Variants in CAPN2 observed in about 807,000 individuals in gnomAD.
CAPN2 encodes the protein calpain-2 catalytic subunit.
CAPN2 carries 92 observed loss-of-function variants against 102.3 expected under a neutral mutation model. The observed-to-expected ratio is 0.90, with a 90% CI of 0.76 to 1.07. The LOEUF is 1.07. CAPN2 is among the 50% of genes least tolerant of loss of function. CAPN2 has a pLI of 0.00. For synonymous variants in CAPN2, 340 were observed against 355.4 expected, an observed-to-expected ratio of 0.96 and a Z score of 0.49; for missense variants, 800 against 909.4, an observed-to-expected ratio of 0.88 and a Z score of 1.55.
chr1:223,770,744 T>A (rs1422984952), intron 18 of CAPN2: 22 of 395,218 alleles, frequency 5.6e-5, no homozygotes, highest in Non-Finnish European at 9.6e-5. Flanking sequence ...TGAATCCAAG[T>A]TTCCTTTGGA....
intron 4 of CAPN2, among the ~76,000 whole-genome samples, chr1:223,746,475 CTT>C (rs60366533): frequency 3.5e-4 from 38 of 108,404 alleles, no homozygotes; most frequent in African/African-American, 3.5e-4. Context: ...CTACGAGAAT[CTT>C]TTTTTTTTTT....
At position 223,766,376 on chromosome 1, in the gene CAPN2, T is replaced by C. The variant is rs866467640; in HGVS notation, c.1700T>C (p.Ile567Thr). Residue 567 changes from isoleucine (I) to threonine (T), a missense_variant, in exon 16 of 21, where the codon ATC becomes ACC. Ile to Thr is a moderately conservative substitution (Grantham distance 89). Transcript: ENST00000295006. Reference protein sequence around the residue: ...LRRVLAKRQDIKSDGFSIETC... With the variant: ...LRRVLAKRQDTKSDGFSIETC... ...TGATTTTGTCTTTTAGGCCAAGATA[T>C]CAAGTCAGATGGCTTCAGCATCGAG... 3 of 1,613,638 alleles carry C rather than the reference T, an allele frequency of 1.9e-6. No homozygotes were observed. The highest frequency in any genetic ancestry group is 1.7e-4 in the Middle Eastern group (1 of 6,060).
chr1:223,708,897 AG>A, upstream of CAPN2, among the ~76,000 whole-genome samples: 1 of 152,054 alleles, frequency 6.6e-6, no homozygotes, highest in African/African-American at 2.4e-5. Context: ...AGAAAAGAGA[AG>A]AGAAAAGAAA....
intron 2 of CAPN2, among the ~76,000 whole-genome samples, chr1:223,740,225 C>T (rs1053869230): frequency 2.0e-5 from 3 of 152,178 alleles, no homozygotes; most frequent in African/African-American, 7.2e-5. Context: ...GACGCTGAAA[C>T]ACCATTGAGT....
At chr1:223,708,921 A>C (rs1659672534), upstream of CAPN2, among the ~76,000 whole-genome samples, 1 of 152,162 alleles carries the variant, frequency 6.6e-6, no homozygotes, top group African/African-American at 2.4e-5. Flanking sequence ...AAAAGAGAGA[A>C]AGACAATTCC....
At chr1:223,704,097 C>T (rs1169479025) in intron 1 of CAPN2, among the ~76,000 whole-genome samples, 1 of 152,096 alleles carries the variant, frequency 6.6e-6, no homozygotes, top group Non-Finnish European at 1.5e-5. Context: ...TGGAGACCAG[C>T]CCGGCCAACA....
chr1:223,712,468 G>C (rs1326953825), upstream of CAPN2: 2 of 1,150,324 alleles, frequency 1.7e-6, no homozygotes, highest in African/African-American at 3.3e-5. Context: ...GGCCGGGAGC[G>C]GCTGAGGCCA....
intron 1 of CAPN2, 122 bp downstream of exon 1, chr1:223,712,999 A>G (rs1020660114): frequency 8.2e-6 from 5 of 608,430 alleles, no homozygotes; most frequent in Non-Finnish European, 7.2e-6. Context: ...GCCGCAAGCC[A>G]GGACCTCGCA....
At position 223,707,268 on chromosome 1, in the gene CAPN2, CTCTT is replaced by C. The variant is rs1422466339; in HGVS notation, c.3+5441_3+5444del. Reference sequence around the variant, plus strand: ...TCTCTCTCTCTTCTTCTCTCTCTCTCTCTTTCTATCTCTCTCTCTCACTCCCTCT... The same window carrying C: ...TCTCTCTCTCTTCTTCTCTCTCTCTCTCTATCTCTCTCTCTCACTCCCTCT... On this transcript the variant is annotated intron_variant, in intron 1 of 20. Coordinates refer to the CAPN2 transcript ENST00000433674. Among the ~76,000 whole-genome samples the C allele has an allele frequency of 4.6e-5, 7 of 152,062 alleles. No individual in the cohort carries two copies. In the South Asian group the frequency reaches 6.2e-4, roughly 14 times the overall value.
At chr1:223,733,778 C>T (rs7547642) in intron 2 of CAPN2, among the ~76,000 whole-genome samples, 27,817 of 152,206 alleles carry the variant, frequency 0.18, 2,954 homozygotes, top group African/African-American at 0.3. Context: ...TTCCCAGAGA[C>T]CCATAGGCAA....
intron 1 of CAPN2, among the ~76,000 whole-genome samples, chr1:223,716,767 C>G (rs372604099): frequency 1.3e-5 from 2 of 152,010 alleles, no homozygotes; most frequent in African/African-American, 4.8e-5. Flanking sequence ...TGGGGCTCTT[C>G]AGAATCGAAA....
At chr1:223,765,569 C>T (rs1391691371) in intron 15 of CAPN2, among the ~76,000 whole-genome samples, 1 of 152,248 alleles carries the variant, frequency 6.6e-6, no homozygotes, top group Non-Finnish European at 1.5e-5. Context: ...CAGCCCGCTC[C>T]TTGCTGGGGG....
At position 223,727,817 on chromosome 1, in the gene CAPN2, C is replaced by T. The variant is rs574977259; in HGVS notation, c.307+9986C>T. Among the ~76,000 whole-genome samples the T allele has an allele frequency of 7.2e-5, 11 of 152,234 alleles. No homozygotes were observed. The highest frequency in any genetic ancestry group is 2.2e-4 in the African/African-American group (9 of 41,526). ...GAACACAGCAAAGGAGGAGAAGGGCCCTCCCTGCTTCTTGGAGAATGGTTC... is the reference window on the plus strand; with the variant it reads ...GAACACAGCAAAGGAGGAGAAGGGCTCTCCCTGCTTCTTGGAGAATGGTTC... On this transcript the variant is annotated intron_variant, in intron 2 of 20. Coordinates refer to ENST00000295006, the MANE Select transcript of CAPN2 (RefSeq NM_001748.5). This position sits in a 1 kb window ranked among gnomAD's most constrained non-coding sequence, Gnocchi z 4.1.
chr1:223,770,433 C>A lies in CAPN2; in HGVS notation c.1825-14C>A, dbSNP rs767854594. 6.2e-7 allele frequency: 1 copy of A among 1,604,722 alleles called. No homozygotes were observed. The highest frequency in any genetic ancestry group is 1.1e-5 in the South Asian group (1 of 90,826). ...TTTGGGTCATAGTTCTTACAGCTAA[C>A]TTATGTGTTCCAGAAAATTTACCGA... On this transcript the variant is annotated splice_polypyrimidine_tract_variant and intron_variant, in intron 17 of 20. Coordinates refer to ENST00000295006, the MANE Select transcript of CAPN2 (RefSeq NM_001748.5).
chr1:223,719,684 A>G (rs1459097790), intron 2 of CAPN2, among the ~76,000 whole-genome samples: 1 of 152,190 alleles, frequency 6.6e-6, no homozygotes, highest in Non-Finnish European at 1.5e-5. Flanking sequence ...ATTGGAGAGG[A>G]GATAGCAAAG....
At chr1:223,707,038 C>A (rs1440665497) in intron 1 of CAPN2, among the ~76,000 whole-genome samples, 1 of 150,736 alleles carries the variant, frequency 6.6e-6, no homozygotes, top group Admixed American at 6.6e-5. Flanking sequence ...CGAGATCACG[C>A]CACTGCACTC....
intron 1 of CAPN2, 109 bp from the exon 2 acceptor site, chr1:223,717,653 G>A (rs922212535): frequency 3.7e-6 from 3 of 812,726 alleles, no homozygotes; most frequent in Non-Finnish European, 6.4e-6. Context: ...TCCCCAGAGG[G>A]GAGGGGAAGG....
At chr1:223,757,744 G>A in intron 11 of CAPN2, 1 of 305,690 alleles carries the variant, frequency 3.3e-6, no homozygotes. Context: ...CCTGCAGACT[G>A]TACTAGAAGA....
chr1:223,762,444 C>G (rs1225150734), intron 14 of CAPN2, among the ~76,000 whole-genome samples, 193 bp downstream of exon 14: 1 of 152,142 alleles, frequency 6.6e-6, no homozygotes, highest in Non-Finnish European at 1.5e-5. Context: ...CGCATGCTGC[C>G]GGGGGCTTCC....
Sources: allele counts gnomAD v4.1 joint callset (sites outside exome capture counted in the v4.1 genomes callset), GRCh38; gene constraint gnomAD v4.1.1; non-coding constraint Gnocchi (gnomAD v3.1); transcripts MANE v1.5; gene names NCBI Gene and HGNC (gene_info 2026-07-23, HGNC 2026-07-21).